Variants in FGFR3 observed in about 807,000 individuals in gnomAD.
FGFR3 encodes fibroblast growth factor receptor 3.
Under a neutral mutation model 82.9 loss-of-function variants are expected in FGFR3, and 25 were observed. The ratio of observed to expected loss-of-function variants is 0.30; its 90% confidence interval spans 0.22 to 0.42. FGFR3 has a LOEUF of 0.42. Ranked by LOEUF, FGFR3 falls within the 10% of genes least tolerant of loss-of-function variation. The pLI, the probability that FGFR3 is intolerant of heterozygous loss-of-function variation, is 1.00. For missense variants in FGFR3, 1,026 were observed against 1,161.0 expected (o/e 0.88, Z 1.69); for synonymous variants, 620 against 516.0 (o/e 1.20, Z -2.73).
At chr4:1,799,205 G>T (rs575699109) in intron 2 of FGFR3, 49 bp from the exon 3 acceptor site, 2 of 1,610,830 alleles carry the variant, frequency 1.2e-6, no homozygotes, top group South Asian at 2.2e-5. Flanking sequence ...TCTGTAAACG[G>T]TGCCGGGTTT....
chr4:1,808,013 G>C lies in FGFR3; in HGVS notation c.*751G>C. ...CCTGGGCGGGGCGTGGGGGGGCGTG[G>C]AGGGAGGCCCCAGGGGGTCTCACCC... is the stretch of plus-strand genomic sequence containing the variant. On this transcript the variant is annotated 3_prime_UTR_variant, in exon 18 of 18. Transcript: ENST00000440486. 4.2e-6 allele frequency: 1 copy of C among 239,268 alleles called. No individual in the cohort carries two copies. Among genetic ancestry groups the C allele is most frequent in the Non-Finnish European group, 8.2e-6 (1 of 121,732 alleles). 14.8% of individuals were successfully genotyped at this position (239,268 alleles called of 1,614,324 possible).
In FGFR3 at chr4:1,802,811, C is replaced by T. The variant is rs1486541802; in HGVS notation, c.930+786C>T. ...CTCCAGGCAGCCTTTGGGGCTGACGCAGCCCAGCCTCGATCTGTACCTTGG... is the reference window on the plus strand; with the variant it reads ...CTCCAGGCAGCCTTTGGGGCTGACGTAGCCCAGCCTCGATCTGTACCTTGG... On this transcript the variant is annotated intron_variant, in intron 7 of 17. Coordinates refer to ENST00000440486, the MANE Select transcript of FGFR3 (RefSeq NM_000142.5). 2.2e-5 allele frequency: 31 copies of T among 1,400,796 alleles called. No homozygotes were observed. The South Asian group carries it at 3.3e-4, about 15-fold the overall frequency. The allele number at this position is 1,400,796 out of a possible 1,614,324, so 86.8% of individuals were successfully genotyped here.
chr4:1,805,035 G>C, intron 10 of FGFR3, 66 bp downstream of exon 10: 1 of 1,495,802 alleles, frequency 6.7e-7, no homozygotes, highest in Non-Finnish European at 8.9e-7. Context: ...ACAGCCACCA[G>C]TCAGAGGCCC....
chr4:1,804,283 C>CG (rs1553846872), intron 8 of FGFR3, 47 bp from the exon 9 acceptor site: 1 of 1,539,252 alleles, frequency 6.5e-7, no homozygotes, highest in Non-Finnish European at 8.7e-7. Context: ...ATGGGAGCCC[C>CG]GTGGGGGGGG....
At chr4:1,804,265 G>A (rs1478238092) in intron 8 of FGFR3, 65 bp from the exon 9 acceptor site, 2 of 1,526,664 alleles carry the variant, frequency 1.3e-6, no homozygotes, top group African/African-American at 1.4e-5. Flanking sequence ...TCTGGGCCAG[G>A]GGCATCCATG....
Position 1,803,693 on chromosome 4 carries a change from C to T in FGFR3, c.932C>T (p.Thr311Met), listed in dbSNP as rs761527653. Residue 311 changes from threonine to methionine, a missense_variant and splice_region_variant, in exon 8 of 18, where the codon ACG becomes ATG. Around this residue, in one of 9 missense-constraint regions of FGFR3, gnomAD observed 256 missense variants for 217.6 expected, o/e 1.18. Coordinates refer to ENST00000440486, the MANE Select transcript of FGFR3 (RefSeq NM_000142.5). ...DGTPYVTVLKTAGANTTDKEL... is the reference protein window; with the variant it reads ...DGTPYVTVLKMAGANTTDKEL... ...TATCGCTCTGCTCTCTCTTTGTAGA[C>T]GGCGGGCGCTAACACCACCGACAAG... 1.7e-5 allele frequency: 27 copies of T among 1,613,396 alleles called. No homozygotes were observed. Among genetic ancestry groups the T allele is most frequent in the East Asian group, 4.5e-5 (2 of 44,898 alleles).
chr4:1,804,761 C>A (rs896519540), intron 9 of FGFR3, 63 bp from the exon 10 acceptor site: 2 of 1,545,664 alleles, frequency 1.3e-6, no homozygotes, highest in South Asian at 1.2e-5. Context: ...GCACTGACCC[C>A]CGGCTGTACC....
rs373591344 is a variant in FGFR3 at position 1,804,289 on chromosome 4, G to C, written c.1076-41G>C. The C allele has an allele frequency of 1.8e-3, 2,831 of 1,550,816 alleles. 30 individuals are homozygous for C. The African/African-American group carries it at 0.027, about 15-fold the overall frequency. ...GGGGCATCCATGGGAGCCCCGTGGG[G>C]GGGGGGGCCAGGCCAGGCCTCAACG... On this transcript the variant is annotated intron_variant, in intron 8 of 17. Transcript: ENST00000440486.
Position 1,801,241 on chromosome 4 carries a change from C to T in FGFR3, c.446-126C>T, listed in dbSNP as rs368240567. The T allele has an allele frequency of 1.7e-3, 1,852 of 1,101,200 alleles. 20 individuals carry two copies. The African/African-American group carries it at 0.025, about 15-fold the overall frequency. 68.2% of individuals were successfully genotyped at this position (1,101,200 alleles called of 1,614,324 possible). A position where few individuals can be genotyped will look rare whatever the true frequency, so the allele number is the denominator to read the frequency against. On this transcript the variant is annotated intron_variant, in intron 4 of 17. Coordinates refer to ENST00000440486, the MANE Select transcript of FGFR3 (RefSeq NM_000142.5). ...GAGGCTCCTGGGAACCTCATCCCGC[C>T]CTCTTCCTACACAGGACGGGAAACT...
At position 1,808,440 on chromosome 4, in the gene FGFR3, T is replaced by C. The variant is rs1722237652; in HGVS notation, c.*1178T>C. 1 of 232,354 alleles carries C rather than the reference T, an allele frequency of 4.3e-6. No homozygotes were observed. The highest frequency in any genetic ancestry group is 5.6e-5 in the Admixed American group (1 of 17,746). The allele number at this position is 232,354 out of a possible 1,614,324, so 14.4% of individuals were successfully genotyped here. ...AAGCAAGCTGGTATTTTCATACAAA[T>C]TCTTCTAATTGCTGTGTGTCCCAGG... On this transcript the variant is annotated 3_prime_UTR_variant, in exon 18 of 18. Coordinates refer to ENST00000440486, the MANE Select transcript of FGFR3 (RefSeq NM_000142.5).
rs980446923 is a variant in FGFR3, at chr4:1,801,512, C to T, written c.591C>T (p.Gly197=). Residue 197 remains glycine (G), a synonymous_variant, in exon 5 of 18, where the codon GGC becomes GGT. Coordinates refer to ENST00000440486, the MANE Select transcript of FGFR3 (RefSeq NM_000142.5). ...SWLKNGREFR[G]EHRIGGIKLR... is the part of the protein sequence containing the mutation. ...TGAAGAACGGCAGGGAGTTCCGCGG[C>T]GAGCACCGCATTGGAGGCATCAAGG... The T allele has an allele frequency of 1.9e-6, 3 of 1,565,072 alleles. No homozygotes were observed. Among genetic ancestry groups the T allele is most frequent in the East Asian group, 4.7e-5 (2 of 42,186 alleles).
intron 4 of FGFR3, among the ~76,000 whole-genome samples, chr4:1,800,608 C>T (rs932733936): frequency 1.3e-5 from 2 of 152,120 alleles, no homozygotes; most frequent in Non-Finnish European, 2.9e-5. Flanking sequence ...GTGCCTCTTT[C>T]CAGCCTGTGT....
At chr4:1,804,591 C>T (rs754275333) in intron 9 of FGFR3, 71 bp downstream of exon 9, 172 of 1,583,062 alleles carry the variant, frequency 1.1e-4, no homozygotes, top group Non-Finnish European at 1.3e-4. Flanking sequence ...CCTCGGCCCA[C>T]GCTGGTCCTG....
In FGFR3 at chr4:1,807,234, C is replaced by T. The variant is rs1722055718; in HGVS notation, c.2393C>T (p.Pro798Leu). The T allele has an allele frequency of 6.2e-7, 1 of 1,607,856 alleles. No homozygotes were observed. The highest frequency in any genetic ancestry group is 8.5e-7 in the Non-Finnish European group (1 of 1,178,276). The change falls in exon 18 of 18, where the codon CCA becomes CTA. Residue 798 changes from proline to leucine, a missense_variant. Physicochemically the swap from Pro to Leu is moderately conservative, Grantham distance 98. Coordinates refer to ENST00000440486, the MANE Select transcript of FGFR3 (RefSeq NM_000142.5). ...VFAHDLLPPA[P>L]PSSGGSRT ...GCCCACGACCTGCTGCCCCCGGCCC[C>T]ACCCAGCAGTGGGGGCTCGCGGACG...
At chr4:1,806,367 G>A (rs769773823) in intron 15 of FGFR3, 40 bp downstream of exon 15, 24 of 1,611,036 alleles carry the variant, frequency 1.5e-5, no homozygotes, top group Middle Eastern at 1.7e-4. Context: ...GGGTGGAGGC[G>A]GGAACTGGGC....
rs1722106614 is a variant in FGFR3, at chr4:1,807,466, A to G, written c.*204A>G. 3.8e-6 allele frequency: 3 copies of G among 795,260 alleles called. No homozygotes were observed. Among genetic ancestry groups the G allele is most frequent in the Middle Eastern group, 2.5e-4 (1 of 3,934 alleles). 49.3% of individuals were successfully genotyped at this position (795,260 alleles called of 1,614,324 possible). ...GCGTGCGCATCTTGCCTCCAGGTGC[A>G]GAGGTACCCTGGGTGTCCCCGCTGC... On this transcript the variant is annotated 3_prime_UTR_variant, in exon 18 of 18. Coordinates refer to ENST00000440486, the MANE Select transcript of FGFR3 (RefSeq NM_000142.5).
intron 8 of FGFR3, 57 bp from the exon 9 acceptor site, chr4:1,804,273 A>T (rs913567564): frequency 6.5e-7 from 1 of 1,535,094 alleles, no homozygotes; most frequent in Non-Finnish European, 8.7e-7. Flanking sequence ...AGGGGCATCC[A>T]TGGGAGCCCC....
chr4:1,802,889 T>TGAGCCG, intron 7 of FGFR3: 1 of 1,571,740 alleles, frequency 6.4e-7, no homozygotes, highest in Non-Finnish European at 8.6e-7. Context: ...GGGGCGTGCC[T>TGAGCCG]GAGCCGGGTC....
At chr4:1,796,344 G>T (rs963083986) in intron 2 of FGFR3, among the ~76,000 whole-genome samples, 1 of 152,062 alleles carries the variant, frequency 6.6e-6, no homozygotes, top group African/African-American at 2.4e-5. Flanking sequence ...CCTTTTTTCC[G>T]GACTTTATTG....
Sources: allele counts gnomAD v4.1 joint callset (sites outside exome capture counted in the v4.1 genomes callset), GRCh38; gene constraint gnomAD v4.1.1; regional missense constraint gnomAD v4.1.1; transcripts MANE v1.5; gene names NCBI Gene and HGNC (gene_info 2026-07-23, HGNC 2026-07-21).